Variants in TRAPPC9 observed in about 807,000 individuals in gnomAD.
TRAPPC9 encodes trafficking protein particle complex subunit 9.
A neutral mutation model predicts 124.0 loss-of-function variants in TRAPPC9; 83 were observed. That is an observed-to-expected ratio of 0.67 (90% confidence interval 0.56 to 0.80). The LOEUF (loss-of-function observed/expected upper bound fraction) is 0.80. Among genes scored for constraint, TRAPPC9 ranks in the 30% least tolerant of loss-of-function variants. The pLI is 0.00. For missense variants in TRAPPC9, 1,302 were observed against 1,508.3 expected, an observed-to-expected ratio of 0.86 and a Z score of 2.27; for synonymous variants, 638 against 617.5, an observed-to-expected ratio of 1.03 and a Z score of -0.49.
intron 3 of TRAPPC9, among the ~76,000 whole-genome samples, chr8:140,438,291 TAGCAC>T: frequency 6.6e-6 from 1 of 152,324 alleles, no homozygotes; most frequent in Middle Eastern, 3.4e-3. Flanking sequence ...TTCTCTCACT[TAGCAC>T]AAAGTTGTCA....
Position 140,258,291 on chromosome 8 carries a change from C to T in TRAPPC9, c.2279-5362G>A, listed in dbSNP as rs758426365. ...TGCGACTAATTCTGGACTTGTTCTCCGCGTTCACACGCTCCCTGGCACAAG... is the reference window on the plus strand; with the variant it reads ...TGCGACTAATTCTGGACTTGTTCTCTGCGTTCACACGCTCCCTGGCACAAG... On this transcript the variant is annotated intron_variant, in intron 15 of 22. Coordinates refer to ENST00000438773, the MANE Select transcript of TRAPPC9 (RefSeq NM_001160372.4). 1.8e-4 allele frequency among the ~76,000 whole-genome samples: 28 copies of T among 152,250 alleles called. 2 individuals are homozygous for T. The highest frequency in any genetic ancestry group is 6.2e-4 in the South Asian group (3 of 4,832).
At chr8:139,900,381 T>C (rs922977106) in intron 20 of TRAPPC9, among the ~76,000 whole-genome samples, 1 of 152,234 alleles carries the variant, frequency 6.6e-6, no homozygotes, top group African/African-American at 2.4e-5. Flanking sequence ...CTGTCCTCCC[T>C]GGCTGCCACC....
intron 21 of TRAPPC9, among the ~76,000 whole-genome samples, chr8:139,748,256 TA>T (rs1156644520): frequency 8.9e-5 from 4 of 45,092 alleles, no homozygotes; most frequent in African/African-American, 3.0e-4. Context: ...TCAGAGCAGG[TA>T]GGGGGGGCAT....
intron 19 of TRAPPC9, among the ~76,000 whole-genome samples, chr8:139,975,576 C>A (rs1836385186): frequency 6.6e-6 from 1 of 152,328 alleles, no homozygotes; most frequent in South Asian, 2.1e-4. Context: ...CAAAAACCTA[C>A]AAATTCCTCA....
chr8:140,047,546 G>C (rs1011052686), intron 17 of TRAPPC9, among the ~76,000 whole-genome samples: 1 of 152,208 alleles, frequency 6.6e-6, no homozygotes, highest in Admixed American at 6.5e-5. Context: ...AACACATCGC[G>C]CATGAAGAAG....
intron 17 of TRAPPC9, among the ~76,000 whole-genome samples, chr8:140,100,887 T>G (rs934882993): frequency 2.0e-5 from 3 of 152,196 alleles, no homozygotes; most frequent in African/African-American, 7.2e-5. Flanking sequence ...GCGTCAGCGC[T>G]AAAATCCTAT....
chr8:140,011,976 C>A (rs753710428), intron 18 of TRAPPC9, among the ~76,000 whole-genome samples: 1 of 152,122 alleles, frequency 6.6e-6, no homozygotes, highest in Non-Finnish European at 1.5e-5. Context: ...CTGCGCCAGA[C>A]AATTTTTGCA....
chr8:140,440,708 C>T (rs2132637590), intron 2 of TRAPPC9, among the ~76,000 whole-genome samples: 1 of 152,176 alleles, frequency 6.6e-6, no homozygotes, highest in South Asian at 2.1e-4. Flanking sequence ...TCACAGGATG[C>T]TCAATTCAGT....
At chr8:139,979,323 C>G (rs533017025) in intron 19 of TRAPPC9, among the ~76,000 whole-genome samples, 1 of 152,134 alleles carries the variant, frequency 6.6e-6, no homozygotes, top group Admixed American at 6.5e-5. Flanking sequence ...TCTGGCCAGA[C>G]GCTGCCACGG....
chr8:140,364,863 T>C (rs1353283068), intron 8 of TRAPPC9, among the ~76,000 whole-genome samples: 4 of 151,996 alleles, frequency 2.6e-5, no homozygotes, highest in African/African-American at 7.2e-5. Context: ...TGAGCCACCA[T>C]ACCTGGCCAC....
intron 17 of TRAPPC9, among the ~76,000 whole-genome samples, chr8:140,189,457 T>A (rs1359710219): frequency 6.6e-6 from 1 of 152,186 alleles, no homozygotes; most frequent in South Asian, 2.1e-4. Context: ...CACGTTACAG[T>A]TCTACCAAGC....
At chr8:139,795,869 G>A (rs1049420709) in intron 21 of TRAPPC9, among the ~76,000 whole-genome samples, 6 of 152,290 alleles carry the variant, frequency 3.9e-5, no homozygotes, top group African/African-American at 7.2e-5. Context: ...ATCCCAGTGC[G>A]TGAATGCACA....
At chr8:140,300,317 A>G in intron 11 of TRAPPC9, 152 bp downstream of exon 11, 2 of 981,952 alleles carry the variant, frequency 2.0e-6, no homozygotes, top group East Asian at 5.0e-5. Flanking sequence ...ACATGCACAC[A>G]CATATACACA....
At chr8:140,094,408 G>A (rs1844788001) in intron 17 of TRAPPC9, among the ~76,000 whole-genome samples, 1 of 152,258 alleles carries the variant, frequency 6.6e-6, no homozygotes, top group South Asian at 2.1e-4. Flanking sequence ...AGCCACGCAC[G>A]GTCATTCCAT....
At chr8:139,906,696 C>T (rs1244288028) in intron 20 of TRAPPC9, among the ~76,000 whole-genome samples, 1 of 152,162 alleles carries the variant, frequency 6.6e-6, no homozygotes, top group Admixed American at 6.5e-5. Context: ...GTGCCGCTCC[C>T]TTTGTTCAGG....
intron 15 of TRAPPC9, among the ~76,000 whole-genome samples, chr8:140,268,701 A>T (rs942451912): frequency 2.0e-5 from 3 of 152,138 alleles, no homozygotes; most frequent in African/African-American, 7.2e-5. Flanking sequence ...GGGTGGCCCT[A>T]TGTGCCCTGC....
intron 17 of TRAPPC9, among the ~76,000 whole-genome samples, chr8:140,155,257 T>C (rs145124589): frequency 6.6e-6 from 1 of 152,240 alleles, no homozygotes; most frequent in African/African-American, 2.4e-5. Flanking sequence ...GACTCCAGAC[T>C]CCCTCGCCTC....
chr8:140,159,727 G>C (rs2061712500), intron 17 of TRAPPC9, among the ~76,000 whole-genome samples: 3 of 152,252 alleles, frequency 2.0e-5, no homozygotes. Context: ...TTCTGAAACA[G>C]GCCTTGTGTA....
At position 139,731,146 on chromosome 8, in the gene TRAPPC9, T is replaced by C; in HGVS notation, c.3362A>G (p.His1121Arg). Residue 1121 changes from histidine (H) to arginine (R), a missense_variant, in exon 23 of 23, where the codon CAC (histidine) becomes CGC (arginine). This residue lies in a region of TRAPPC9 where 640 missense variants were observed against 679.3 expected (regional missense o/e 0.94). Transcript: ENST00000438773. ...TGDFFLHIRF[H>R]EDSTSKELPP... is the part of the protein sequence containing the mutation. ...CAGCTCCTTGCTGGTGCTGTCCTCG[T>C]GGAACCGGATGTGGAGGAAGAAGTC... 6.2e-7 allele frequency: 1 copy of C among 1,613,928 alleles called. No individual in the cohort carries two copies. Among genetic ancestry groups the C allele is most frequent in the South Asian group, 1.1e-5 (1 of 91,086 alleles).
Sources: allele counts gnomAD v4.1 joint callset (sites outside exome capture counted in the v4.1 genomes callset), GRCh38; gene constraint gnomAD v4.1.1; regional missense constraint gnomAD v4.1.1; transcripts MANE v1.5; gene names NCBI Gene and HGNC (gene_info 2026-07-23, HGNC 2026-07-21).